SLC35C1: variants seen among roughly 807,000 people sequenced by gnomAD.
The protein encoded by SLC35C1 is solute carrier family 35 member C1, also known as GDP-fucose transporter 1.
In SLC35C1, 8 loss-of-function variants were observed where a neutral mutation model predicts 23.2. The observed-to-expected ratio is 0.35, with a 90% CI of 0.20 to 0.62. SLC35C1 has a LOEUF of 0.62. Among genes scored for constraint, SLC35C1 ranks in the 20% least tolerant of loss-of-function variants. The probability of loss-of-function intolerance (pLI) is 0.75; values close to 1 mark genes in which losing one functional copy is unlikely to be tolerated. For synonymous variants in SLC35C1, 226 were observed against 225.1 expected (o/e 1.00, Z -0.04); for missense variants, 422 against 478.6 (o/e 0.88, Z 1.10).
rs1286934102 is a variant in SLC35C1 at position 45,805,313 on chromosome 11, C to T, written c.-489C>T. ...CAGCCGCGCCCGGCCTCCGGCAGCTCCCTGTACGCCTCCCTCCCCCTGCCC... is the reference window on the plus strand; with the variant it reads ...CAGCCGCGCCCGGCCTCCGGCAGCTTCCTGTACGCCTCCCTCCCCCTGCCC... On this transcript the variant is annotated 5_prime_UTR_variant, in exon 1 of 2. Transcript: ENST00000314134. 9.6e-7 allele frequency: 1 copy of T among 1,045,432 alleles called. No homozygotes were observed. The highest frequency in any genetic ancestry group is 5.0e-5 in the Admixed American group (1 of 20,108). 64.8% of individuals were successfully genotyped at this position (1,045,432 alleles called of 1,614,324 possible).
In SLC35C1 at chr11:45,805,296, C is replaced by A. The variant is rs544832316; in HGVS notation, c.-506C>A. The A allele has an allele frequency of 1.8e-5, 19 of 1,040,590 alleles. No individual in the cohort carries two copies. In the East Asian group the frequency reaches 1.4e-3, roughly 78 times the overall value. The allele number at this position is 1,040,590 out of a possible 1,614,324, so 64.5% of individuals were successfully genotyped here. On this transcript the variant is annotated 5_prime_UTR_variant, in exon 1 of 2. Transcript: ENST00000314134. ...TTCCGCAGCCCTCCCTCCAGCCGCGCCCGGCCTCCGGCAGCTCCCTGTACG... is the reference window on the plus strand; with the variant it reads ...TTCCGCAGCCCTCCCTCCAGCCGCGACCGGCCTCCGGCAGCTCCCTGTACG...
At chr11:45,809,665 G>A (rs966813610) in intron 1 of SLC35C1, 2 of 750,200 alleles carry the variant, frequency 2.7e-6, no homozygotes, top group African/African-American at 3.8e-5. Flanking sequence ...AGAGCTCAGA[G>A]TGGTTAAGTA....
Position 45,805,586 on chromosome 11 carries a change from C to T in SLC35C1, c.-216C>T, listed in dbSNP as rs530489331. ...CTTGCCCTGTGTCTTGTCTCAGAGC[C>T]CCCTCGGGGTGGGAGTAGGTTGTGG... is the stretch of plus-strand genomic sequence containing the variant. On this transcript the variant is annotated 5_prime_UTR_variant, in exon 1 of 2. Coordinates refer to ENST00000314134, the MANE Select transcript of SLC35C1 (RefSeq NM_018389.5). 2.1e-6 allele frequency: 3 copies of T among 1,455,738 alleles called. No homozygotes were observed. The African/African-American group carries it at 4.2e-5, about 21-fold the overall frequency. 90.2% of individuals were successfully genotyped at this position (1,455,738 alleles called of 1,614,324 possible). A position where few individuals can be genotyped will look rare whatever the true frequency, so the allele number is the denominator to read the frequency against.
Position 45,805,360 on chromosome 11 carries a change from C to A in SLC35C1, c.-442C>A. ...GCCCGCCCCTCCCTCCCACAGCCGCCCATGACGCCCTCTCGGCACCTCTTC... is the reference window on the plus strand; with the variant it reads ...GCCCGCCCCTCCCTCCCACAGCCGCACATGACGCCCTCTCGGCACCTCTTC... On this transcript the variant is annotated 5_prime_UTR_variant, in exon 1 of 2. Coordinates refer to ENST00000314134, the MANE Select transcript of SLC35C1 (RefSeq NM_018389.5). 1 of 1,002,006 alleles carries A rather than the reference C, an allele frequency of 1.0e-6. No homozygotes were observed. The highest frequency in any genetic ancestry group is 1.2e-6 in the Non-Finnish European group (1 of 839,460). 62.1% of individuals were successfully genotyped at this position (1,002,006 alleles called of 1,614,324 possible). A position where few individuals can be genotyped will look rare whatever the true frequency, so the allele number is the denominator to read the frequency against.
At position 45,806,231 on chromosome 11, in the gene SLC35C1, A is replaced by G; in HGVS notation, c.430A>G (p.Asn144Asp). The stretch of plus-strand genomic sequence containing the variant: ...CAAGTACGTCGGTGTGGCCTTCTAC[A>G]ATGTGGGCCGCTCACTCACCACCGT... ...CLKYVGVAFYNVGRSLTTVFN... is the reference protein window; with the variant it reads ...CLKYVGVAFYDVGRSLTTVFN... The change falls in exon 1 of 2, where the codon AAT becomes GAT. Residue 144 changes from asparagine to aspartate, a missense_variant. By Grantham distance (23) the Asn-to-Asp change is conservative (BLOSUM62 1). Transcript: ENST00000314134. 1 of 1,607,444 alleles carries G rather than the reference A, an allele frequency of 6.2e-7. No individual in the cohort carries two copies. Among genetic ancestry groups the G allele is most frequent in the South Asian group, 1.1e-5 (1 of 91,046 alleles).
At position 45,811,173 on chromosome 11, in the gene SLC35C1, C is replaced by T. The variant is rs1025394775; in HGVS notation, c.933C>T (p.Ala311=). Residue 311 remains alanine (A), a synonymous_variant, in exon 2 of 2, where the codon GCC becomes GCT. Coordinates refer to ENST00000314134, the MANE Select transcript of SLC35C1 (RefSeq NM_018389.5). The stretch of plus-strand genomic sequence containing the variant: ...AGGCCTGTGCCCAGACAGTGCTGGC[C>T]GTGCTCTACTACGAGGAGACCAAGA... ...TAKACAQTVL[A]VLYYEETKSF... 1.4e-5 allele frequency: 22 copies of T among 1,611,914 alleles called. No individual in the cohort carries two copies. Among genetic ancestry groups the T allele is most frequent in the African/African-American group, 2.7e-5 (2 of 74,928 alleles).
At position 45,812,194 on chromosome 11, in the gene SLC35C1, TC is replaced by T. The variant is rs1238267043; in HGVS notation, c.*863del. 1 of 200,498 alleles carries T rather than the reference TC, an allele frequency of 5.0e-6. No individual in the cohort carries two copies. Among genetic ancestry groups the T allele is most frequent in the African/African-American group, 2.3e-5 (1 of 43,828 alleles). 12.4% of individuals were successfully genotyped at this position (200,498 alleles called of 1,614,324 possible). On this transcript the variant is annotated 3_prime_UTR_variant, in exon 2 of 2. Transcript: ENST00000314134. The stretch of plus-strand genomic sequence containing the variant: ...GCTTCTCTCTTCTCCCAGTTCTACC[TC>T]CCCAGAAGCCTTCCTCCCCAGGTGG...
In SLC35C1 at chr11:45,812,661, C is replaced by T. The variant is rs1198155021; in HGVS notation, c.*1326C>T. On this transcript the variant is annotated 3_prime_UTR_variant, in exon 2 of 2. Transcript: ENST00000314134. ...GTTCATGAGGGTTCCGCCCCCATGA[C>T]CCAATCAGCTCCAAAGGCCCCACCT... is the stretch of plus-strand genomic sequence containing the variant. The T allele has an allele frequency of 8.8e-6, 4 of 455,984 alleles. No homozygotes were observed. Among genetic ancestry groups the T allele is most frequent in the Non-Finnish European group, 1.8e-5 (4 of 226,738 alleles). 28.2% of individuals were successfully genotyped at this position (455,984 alleles called of 1,614,324 possible).
rs1425403408 is a variant in SLC35C1 at position 45,812,730 on chromosome 11, G to A, written c.*1395G>A. On this transcript the variant is annotated 3_prime_UTR_variant, in exon 2 of 2. Coordinates refer to ENST00000314134, the MANE Select transcript of SLC35C1 (RefSeq NM_018389.5). ...GGGGTGAGAATTCCAATGTGAATTT[G>A]CAGGGGGAGTGGGGGACACACACAA... The A allele has an allele frequency of 4.5e-6, 2 of 449,290 alleles. No homozygotes were observed. Among genetic ancestry groups the A allele is most frequent in the East Asian group, 1.4e-4 (2 of 14,280 alleles). 27.8% of individuals were successfully genotyped at this position (449,290 alleles called of 1,614,324 possible). A position where few individuals can be genotyped will look rare whatever the true frequency, so the allele number is the denominator to read the frequency against.
rs886048314 is a variant in SLC35C1, at chr11:45,806,241, G to A, written c.440G>A (p.Arg147His). The A allele has an allele frequency of 5.0e-6, 8 of 1,608,474 alleles. No individual in the cohort carries two copies. Among genetic ancestry groups the A allele is most frequent in the African/African-American group, 1.3e-5 (1 of 74,900 alleles). ...YVGVAFYNVGRSLTTVFNVLL... is the reference protein window; with the variant it reads ...YVGVAFYNVGHSLTTVFNVLL... ...GGTGTGGCCTTCTACAATGTGGGCC[G>A]CTCACTCACCACCGTCTTCAACGTG... The change falls in exon 1 of 2, where the codon CGC (arginine) becomes CAC (histidine). Residue 147 changes from arginine (R) to histidine (H), a missense_variant. Coordinates refer to ENST00000314134, the MANE Select transcript of SLC35C1 (RefSeq NM_018389.5).
At chr11:45,805,010 A>G (rs61884471), upstream of SLC35C1, 66,994 of 985,680 alleles carry the variant, frequency 0.068, 2,519 homozygotes, top group Non-Finnish European at 0.075. Flanking sequence ...AGCGGAGCGC[A>G]GGGGCGGGGC....
chr11:45,806,446 C>T, intron 1 of SLC35C1, 110 bp downstream of exon 1: 1 of 1,405,568 alleles, frequency 7.1e-7, no homozygotes, highest in Non-Finnish European at 9.7e-7. Flanking sequence ...TCCTTTGGTG[C>T]AGCAGTCATA....
intron 1 of SLC35C1, chr11:45,810,444 A>G (rs535509540): frequency 7.1e-6 from 7 of 985,462 alleles, no homozygotes; most frequent in African/African-American, 1.7e-5. Context: ...AGGCTCTCAC[A>G]GCACCTTGTA....
chr11:45,805,077 G>C, upstream of SLC35C1: 1 of 985,778 alleles, frequency 1.0e-6, no homozygotes, highest in Non-Finnish European at 1.2e-6. Context: ...AAGGCGGGGC[G>C]TGCGGGCCCT....
At position 45,812,649 on chromosome 11, in the gene SLC35C1, C is replaced by T; in HGVS notation, c.*1314C>T. 1 of 455,958 alleles carries T rather than the reference C, an allele frequency of 2.2e-6. No homozygotes were observed. The highest frequency in any genetic ancestry group is 4.4e-6 in the Non-Finnish European group (1 of 226,766). 28.2% of individuals were successfully genotyped at this position (455,958 alleles called of 1,614,324 possible). On this transcript the variant is annotated 3_prime_UTR_variant, in exon 2 of 2. Transcript: ENST00000314134. The stretch of plus-strand genomic sequence containing the variant: ...GACTCCAACCCTGTTCATGAGGGTT[C>T]CGCCCCCATGACCCAATCAGCTCCA...
upstream of SLC35C1, chr11:45,804,783 A>AG: frequency 7.1e-6 from 7 of 985,656 alleles, no homozygotes; most frequent in Non-Finnish European, 8.4e-6. Context: ...CCGGAGGTGG[A>AG]GGGGTCCAGG....
In SLC35C1 at chr11:45,805,484, C is replaced by T; in HGVS notation, c.-318C>T. ...CCCCTCCCTTCTCTCTGCGACCCCT[C>T]CCTGTTAGGCCCCAGCCTCTTCTCC... On this transcript the variant is annotated 5_prime_UTR_variant, in exon 1 of 2. Coordinates refer to ENST00000314134, the MANE Select transcript of SLC35C1 (RefSeq NM_018389.5). The T allele has an allele frequency of 7.9e-7, 1 of 1,262,966 alleles. No homozygotes were observed. Among genetic ancestry groups the T allele is most frequent in the African/African-American group, 1.5e-5 (1 of 66,302 alleles). The allele number at this position is 1,262,966 out of a possible 1,614,324, so 78.2% of individuals were successfully genotyped here.
chr11:45,804,643 C>A, upstream of SLC35C1: 1 of 985,788 alleles, frequency 1.0e-6, no homozygotes, highest in Non-Finnish European at 1.2e-6. Flanking sequence ...TCGGGGAGCG[C>A]TGCCGGGGGT....
intron 1 of SLC35C1, among the ~76,000 whole-genome samples, chr11:45,808,931 A>T (rs2085906390): frequency 6.6e-6 from 1 of 152,208 alleles, no homozygotes; most frequent in African/African-American, 2.4e-5. Context: ...TGAACCCAGG[A>T]GGCGAAGGTT....
Sources: allele counts gnomAD v4.1 joint callset (sites outside exome capture counted in the v4.1 genomes callset), GRCh38; gene constraint gnomAD v4.1.1; transcripts MANE v1.5; gene names NCBI Gene and HGNC (gene_info 2026-07-23, HGNC 2026-07-21).